Variants in COPS7B observed in about 807,000 individuals in gnomAD.
The protein encoded by COPS7B is COP9 signalosome subunit 7B, also known as COP9 signalosome complex subunit 7b.
Under a neutral mutation model 33.4 loss-of-function variants are expected in COPS7B, and 9 were observed. The observed-to-expected ratio is 0.27, with a 90% CI of 0.16 to 0.47. The LOEUF is 0.47. COPS7B is among the 20% of genes least tolerant of loss of function. The pLI is 0.99. For missense variants in COPS7B, 242 were observed against 318.2 expected (o/e 0.76, Z 1.82); for synonymous variants, 119 against 126.3 (o/e 0.94, Z 0.39).
At chr2:231,782,961 T>A (rs1326380981), upstream of COPS7B, among the ~76,000 whole-genome samples, 1 of 152,222 alleles carries the variant, frequency 6.6e-6, no homozygotes, top group Non-Finnish European at 1.5e-5. Context: ...CAATCAGTAT[T>A]ACATCCTTAC....
chr2:231,806,536 G>A (rs2049898604), intron 6 of COPS7B, among the ~76,000 whole-genome samples: 1 of 139,684 alleles, frequency 7.2e-6, no homozygotes, highest in East Asian at 2.1e-4. Context: ...CTGTACAACA[G>A]AGTAAGACTC....
chr2:231,788,483 A>G, intron 1 of COPS7B, 72 bp from the exon 2 acceptor site: 1 of 1,402,306 alleles, frequency 7.1e-7, no homozygotes, highest in Non-Finnish European at 9.9e-7. Context: ...CTGGTGTTTG[A>G]TTCAGCACTG....
rs73994894 is a variant in COPS7B, at chr2:231,799,000, G to T, written c.636+36G>T. The T allele has an allele frequency of 5.5e-3, 8,608 of 1,552,538 alleles. 404 individuals carry two copies. The African/African-American group carries it at 0.1, about 18-fold the overall frequency. ...AAAGGAACATTTGTTTCTCTCTCCA[G>T]GCATACCTGTTTATTCGTTTGCAGT... is the stretch of plus-strand genomic sequence containing the variant. On this transcript the variant is annotated intron_variant, in intron 6 of 6. Coordinates refer to ENST00000350033, the MANE Select transcript of COPS7B (RefSeq NM_022730.4).
rs1207920531 is a variant in COPS7B at position 231,808,470 on chromosome 2, C to CT, written c.*828dup. ...CGGCTAATGCTTGCTCTCCCAAGATCTTTAACTCCTCCTGGCTGCACCTGG... is the reference window on the plus strand; with the variant it reads ...CGGCTAATGCTTGCTCTCCCAAGATCTTTTAACTCCTCCTGGCTGCACCTGG... On this transcript the variant is annotated 3_prime_UTR_variant, in exon 7 of 7. Coordinates refer to ENST00000350033, the MANE Select transcript of COPS7B (RefSeq NM_022730.4). The CT allele has an allele frequency of 8.5e-6, 4 of 471,644 alleles. No homozygotes were observed. Among genetic ancestry groups the CT allele is most frequent in the South Asian group, 6.2e-5 (4 of 64,560 alleles). 29.2% of individuals were successfully genotyped at this position (471,644 alleles called of 1,614,324 possible).
chr2:231,787,925 A>G (rs903447281), intron 1 of COPS7B, among the ~76,000 whole-genome samples: 1 of 152,142 alleles, frequency 6.6e-6, no homozygotes, highest in Non-Finnish European at 1.5e-5. Flanking sequence ...GTGGATATAA[A>G]ACAGCTGCTG....
intron 3 of COPS7B, chr2:231,792,308 A>G (rs1414690546): frequency 6.8e-6 from 2 of 293,588 alleles, no homozygotes; most frequent in Admixed American, 4.6e-5. Flanking sequence ...CCTGGCCAAC[A>G]TGGTGAAACC....
upstream of COPS7B, chr2:231,781,904 C>A: frequency 1.3e-6 from 2 of 1,548,202 alleles, no homozygotes; most frequent in East Asian, 4.9e-5. Flanking sequence ...AAACAACAAA[C>A]AAAAACACTG....
chr2:231,790,680 T>G (rs959938833), intron 2 of COPS7B: 3 of 152,172 alleles, frequency 2.0e-5, no homozygotes, highest in African/African-American at 7.2e-5. Context: ...TATTCCTGTT[T>G]AGAGTTTACT....
At chr2:231,799,844 A>T (rs1374724527) in intron 6 of COPS7B, among the ~76,000 whole-genome samples, 2 of 152,194 alleles carry the variant, frequency 1.3e-5, no homozygotes, top group Non-Finnish European at 2.9e-5. Flanking sequence ...GGTGCCTTTC[A>T]AAGGGGGATT....
chr2:231,806,704 CA>C (rs1284373635), intron 6 of COPS7B, among the ~76,000 whole-genome samples: 2 of 152,204 alleles, frequency 1.3e-5, no homozygotes, highest in African/African-American at 4.8e-5. Context: ...GGCAATATAG[CA>C]GTACTGATTC....
intron 5 of COPS7B, among the ~76,000 whole-genome samples, chr2:231,798,516 A>G (rs1181542513): frequency 6.6e-6 from 1 of 152,056 alleles, no homozygotes; most frequent in African/African-American, 2.4e-5. Context: ...CGGCCTCTCA[A>G]AGAGCTGGGA....
At chr2:231,797,987 A>T (rs1258291463) in intron 5 of COPS7B, among the ~76,000 whole-genome samples, 2 of 152,112 alleles carry the variant, frequency 1.3e-5, no homozygotes, top group African/African-American at 4.8e-5. Flanking sequence ...TCCCAGGTTC[A>T]AGCGATTCTC....
intron 6 of COPS7B, among the ~76,000 whole-genome samples, chr2:231,802,767 A>G (rs2049784604): frequency 6.6e-6 from 1 of 152,250 alleles, no homozygotes; most frequent in African/African-American, 2.4e-5. Flanking sequence ...CTGCCCAGCT[A>G]CTGGAAGAAG....
intron 4 of COPS7B, among the ~76,000 whole-genome samples, chr2:231,794,552 C>T (rs1374918860): frequency 6.6e-6 from 1 of 152,228 alleles, no homozygotes; most frequent in East Asian, 1.9e-4. Flanking sequence ...GTGATTGACT[C>T]AGCAGGTCTT....
At chr2:231,805,448 AT>A (rs2049867397) in intron 6 of COPS7B, among the ~76,000 whole-genome samples, 1 of 33,418 alleles carries the variant, frequency 3.0e-5, no homozygotes, top group Admixed American at 4.7e-4. Flanking sequence ...TTTAAATTTT[AT>A]ATATATATAT....
At chr2:231,803,666 A>G (rs1478971023) in intron 6 of COPS7B, among the ~76,000 whole-genome samples, 1 of 152,152 alleles carries the variant, frequency 6.6e-6, no homozygotes, top group African/African-American at 2.4e-5. Context: ...AATAGAATTG[A>G]GTCACCATGA....
chr2:231,807,824 C>A lies in COPS7B; in HGVS notation c.*179C>A, dbSNP rs1323020017. 8.8e-6 allele frequency: 5 copies of A among 565,516 alleles called. No individual in the cohort carries two copies. Among genetic ancestry groups the A allele is most frequent in the Non-Finnish European group, 1.5e-5 (5 of 325,890 alleles). The allele number at this position is 565,516 out of a possible 1,614,324, so 35.0% of individuals were successfully genotyped here. A position where few individuals can be genotyped will look rare whatever the true frequency, so the allele number is the denominator to read the frequency against. ...ACTGTTACTCCCCCTCACCCACTCC[C>A]TCCTTCCCCAGTTGTTCCCTTCAGA... On this transcript the variant is annotated 3_prime_UTR_variant, in exon 7 of 7. Coordinates refer to ENST00000350033, the MANE Select transcript of COPS7B (RefSeq NM_022730.4).
chr2:231,801,988 T>C (rs989358397), intron 6 of COPS7B, among the ~76,000 whole-genome samples: 2 of 152,148 alleles, frequency 1.3e-5, no homozygotes, highest in African/African-American at 4.8e-5. Flanking sequence ...TTGGCCAGGT[T>C]GTTCTCCACC....
At chr2:231,803,355 G>C (rs1012516427) in intron 6 of COPS7B, among the ~76,000 whole-genome samples, 2 of 152,182 alleles carry the variant, frequency 1.3e-5, no homozygotes, top group Non-Finnish European at 2.9e-5. Flanking sequence ...TGTGGGGGAC[G>C]AGTGTGGCTG....
Sources: allele counts gnomAD v4.1 joint callset (sites outside exome capture counted in the v4.1 genomes callset), GRCh38; gene constraint gnomAD v4.1.1; transcripts MANE v1.5; gene names NCBI Gene and HGNC (gene_info 2026-07-23, HGNC 2026-07-21).